The following CYRIB variants were observed in gnomAD, a reference collection of about 807,000 sequenced individuals.
CYRIB encodes CYFIP-related Rac1 interactor B.
Under a neutral mutation model 44.2 loss-of-function variants are expected in CYRIB, and 8 were observed. That is an observed-to-expected ratio of 0.18 (90% confidence interval 0.11 to 0.33). The LOEUF is 0.33. Among genes scored for constraint, CYRIB ranks in the 10% least tolerant of loss-of-function variants. The pLI, the probability that CYRIB is intolerant of heterozygous loss-of-function variation, is 1.00. For synonymous variants in CYRIB, 131 were observed against 127.2 expected, an observed-to-expected ratio of 1.03 and a Z score of -0.20; for missense variants, 185 against 382.8, an observed-to-expected ratio of 0.48 and a Z score of 4.31.
rs545602036 is a variant in CYRIB at position 130,011,661 on chromosome 8, CA to C, written c.-296+4708del. Among the ~76,000 whole-genome samples the C allele has an allele frequency of 3.5e-4, 51 of 143,778 alleles. 1 individual carries two copies. The highest frequency in any genetic ancestry group is 8.7e-4 in the South Asian group (4 of 4,572). 94.3% of individuals were successfully genotyped at this position (143,778 alleles called of 152,430 possible). A position where few individuals can be genotyped will look rare whatever the true frequency, so the allele number is the denominator to read the frequency against. On this transcript the variant is annotated intron_variant, in intron 1 of 14. Transcript: ENST00000401979. ...TAAAACCCCATCTCTACTAAAAATA[CA>C]AAAAAAAAAGAAAGAAAGAAATTAG...
intron 1 of CYRIB, among the ~76,000 whole-genome samples, chr8:129,928,034 T>C (rs1186214863): frequency 6.6e-6 from 1 of 151,970 alleles, no homozygotes; most frequent in African/African-American, 2.4e-5. Context: ...CTAGAAACCT[T>C]TTAGAAGAAA....
chr8:129,980,993 A>AC (rs1408149036), intron 1 of CYRIB, among the ~76,000 whole-genome samples: 38 of 152,058 alleles, frequency 2.5e-4, no homozygotes, highest in African/African-American at 8.4e-4. Context: ...CAAAAAAAAA[A>AC]ACACACACAC....
At chr8:129,841,314 G>A (rs1475745784) in exon 12 of CYRIB, 2 of 152,136 alleles carry the variant, frequency 1.3e-5, no homozygotes, top group East Asian at 3.8e-4. Context: ...GCAATTAAAA[G>A]TATATACATA....
At chr8:130,015,049 AG>A (rs1049454004) in intron 1 of CYRIB, among the ~76,000 whole-genome samples, 34 of 152,340 alleles carry the variant, frequency 2.2e-4, no homozygotes, top group African/African-American at 8.2e-4. Flanking sequence ...AGAGTCTCAA[AG>A]TCAGAGTTTA....
intron 11 of CYRIB, among the ~76,000 whole-genome samples, chr8:129,843,679 G>C (rs2130956717): frequency 6.6e-6 from 1 of 152,340 alleles, no homozygotes; most frequent in East Asian, 1.9e-4. Flanking sequence ...TGGGATGACA[G>C]GTGTGTGTCA....
chr8:129,861,625 T>G (rs550799496), intron 5 of CYRIB, among the ~76,000 whole-genome samples: 33 of 150,872 alleles, frequency 2.2e-4, no homozygotes, highest in African/African-American at 5.6e-4. Flanking sequence ...GTTTGTTGTT[T>G]TTTTTTTTTT....
At chr8:129,845,651 G>A (rs1401474937) in intron 11 of CYRIB, among the ~76,000 whole-genome samples, 1 of 151,926 alleles carries the variant, frequency 6.6e-6, no homozygotes, top group Non-Finnish European at 1.5e-5. Context: ...AAAATCATTT[G>A]ACAGTTCCGC....
chr8:129,883,032 C>T, intron 2 of CYRIB, among the ~76,000 whole-genome samples: 1 of 134,550 alleles, frequency 7.4e-6, no homozygotes, highest in Non-Finnish European at 1.5e-5. Context: ...CCCGTCTCTA[C>T]TAAAGGAGGC....
chr8:130,004,441 G>A (rs770815104), intron 1 of CYRIB: 1 of 151,762 alleles, frequency 6.6e-6, no homozygotes, highest in Non-Finnish European at 1.5e-5. Flanking sequence ...ATACTCAAAG[G>A]GCCAAATGCT....
At chr8:129,871,524 T>C in intron 3 of CYRIB, 28 bp from the exon 6 acceptor site, 2 of 1,599,540 alleles carry the variant, frequency 1.3e-6, no homozygotes, top group Non-Finnish European at 8.5e-7. Context: ...ACAAGAAAAT[T>C]TACAGTGACA....
chr8:129,991,877 G>A lies in CYRIB; in HGVS notation c.-295-20882C>T, dbSNP rs546664307. Reference sequence around the variant, plus strand: ...AAGGCAGGAGAATCGCTTGAACCTGGGAGGCGGAGACTGCACTGAGCTGAG... The same window carrying A: ...AAGGCAGGAGAATCGCTTGAACCTGAGAGGCGGAGACTGCACTGAGCTGAG... On this transcript the variant is annotated intron_variant, in intron 1 of 14. Coordinates refer to the CYRIB transcript ENST00000401979. Among the ~76,000 whole-genome samples, 4 of 149,336 alleles carry A rather than the reference G, an allele frequency of 2.7e-5. No individual in the cohort carries two copies. The East Asian group carries it at 7.8e-4, about 29-fold the overall frequency.
chr8:129,931,918 T>C (rs973823724), intron 1 of CYRIB, among the ~76,000 whole-genome samples: 4 of 152,092 alleles, frequency 2.6e-5, no homozygotes, highest in East Asian at 1.9e-4. Context: ...TGAGTCAGTA[T>C]GCCTGGCACT....
At chr8:129,942,941 T>C (rs2093827640), upstream of CYRIB, among the ~76,000 whole-genome samples, 2 of 152,240 alleles carry the variant, frequency 1.3e-5, no homozygotes, top group Non-Finnish European at 2.9e-5. Context: ...CTTTTTTAAA[T>C]TTCACAAGGT....
intron 2 of CYRIB, among the ~76,000 whole-genome samples, chr8:129,955,601 C>T (rs899930818): frequency 5.9e-5 from 9 of 152,204 alleles, no homozygotes; most frequent in Non-Finnish European, 1.0e-4. Flanking sequence ...TTACCTCTTA[C>T]AAGCGTTCTA....
At chr8:129,947,764 A>G (rs2094253301) in intron 2 of CYRIB, 1 of 152,242 alleles carries the variant, frequency 6.6e-6, no homozygotes, top group Non-Finnish European at 1.5e-5. Context: ...AAGGCAGCAC[A>G]TATTTTTATT....
intron 2 of CYRIB, among the ~76,000 whole-genome samples, chr8:129,896,251 A>G (rs2067990227): frequency 6.6e-6 from 1 of 152,232 alleles, no homozygotes; most frequent in African/African-American, 2.4e-5. Context: ...AACTAAGGGC[A>G]TCCCATAAAA....
intron 1 of CYRIB, among the ~76,000 whole-genome samples, chr8:129,930,642 A>G (rs962351474): frequency 1.3e-5 from 2 of 151,968 alleles, no homozygotes; most frequent in African/African-American, 4.8e-5. Context: ...TTGGCAACCC[A>G]TTTCAAAAGG....
upstream of CYRIB, among the ~76,000 whole-genome samples, chr8:129,943,077 G>T (rs2093836007): frequency 8.2e-6 from 1 of 121,608 alleles, no homozygotes. Context: ...ACACATTTTT[G>T]CACCGCCCAC....
At chr8:129,941,984 A>T (rs73398746), upstream of CYRIB, among the ~76,000 whole-genome samples, 1,488 of 152,276 alleles carry the variant, frequency 9.8e-3, 36 homozygotes, top group African/African-American at 0.034. Context: ...AGCAATATAG[A>T]CATGACGCTG....
Sources: gnomAD v4.1 joint callset for allele counts (sites outside exome capture counted in the v4.1 genomes callset) on GRCh38, gnomAD v4.1.1 for gene constraint, MANE v1.5 for transcripts, NCBI Gene and HGNC (gene_info 2026-07-23, HGNC 2026-07-21) for gene names.